The following BRI3 variants were observed in gnomAD, a reference collection of about 807,000 sequenced individuals.
BRI3 encodes the protein brain protein I3.
In BRI3, 6 loss-of-function variants were observed where a neutral mutation model predicts 12.8. The observed-to-expected ratio is 0.47, with a 90% CI of 0.26 to 0.93. BRI3 has a LOEUF of 0.93. Among genes scored for constraint, BRI3 ranks in the 40% least tolerant of loss-of-function variants. The pLI is 0.15. For synonymous variants in BRI3, 91 were observed against 76.1 expected (o/e 1.20, Z -1.02); for missense variants, 134 against 171.1 (o/e 0.78, Z 1.21).
downstream of BRI3, among the ~76,000 whole-genome samples, chr7:98,313,922 G>C (rs1027245443): frequency 6.6e-6 from 1 of 150,396 alleles, no homozygotes; most frequent in Admixed American, 6.6e-5. Flanking sequence ...GAGCCACTGT[G>C]CCTGGCCTGC....
At chr7:98,285,692 C>CTCAG (rs1224819622) in intron 2 of BRI3, among the ~76,000 whole-genome samples, 2 of 152,208 alleles carry the variant, frequency 1.3e-5, no homozygotes, top group African/African-American at 4.8e-5. Context: ...CGGGCACCTT[C>CTCAG]TCAGGCCTTT....
chr7:98,307,534 G>A, exon 2 of BRI3: 1 of 1,455,958 alleles, frequency 6.9e-7, no homozygotes, highest in Non-Finnish European at 9.0e-7. Flanking sequence ...AAATAGCCTG[G>A]GATCGAATAA....
chr7:98,299,857 A>G (rs1169529389), intron 1 of BRI3, among the ~76,000 whole-genome samples: 1 of 151,962 alleles, frequency 6.6e-6, no homozygotes, highest in Non-Finnish European at 1.5e-5. Context: ...CCTGGCCAAC[A>G]TGGTGAAACC....
chr7:98,309,024 G>A (rs1197471087), exon 2 of BRI3: 1 of 151,164 alleles, frequency 6.6e-6, no homozygotes, highest in Non-Finnish European at 1.5e-5. Context: ...AATACAACAA[G>A]CATCTTTAAT....
downstream of BRI3, chr7:98,310,704 T>TTTATTTA (rs1241140771): frequency 4.9e-5 from 24 of 489,672 alleles, no homozygotes; most frequent in Non-Finnish European, 5.4e-5. Flanking sequence ...TTATTTATTT[T>TTTATTTA]GAGACAGAGT....
At chr7:98,285,126 CAG>C (rs140694442) in intron 2 of BRI3, among the ~76,000 whole-genome samples, 2,240 of 152,254 alleles carry the variant, frequency 0.015, 30 homozygotes, top group Non-Finnish European at 0.022. Context: ...TGGGGGTGAC[CAG>C]AGAGAGAGGA....
At chr7:98,290,722 C>T (rs1488694480) in intron 2 of BRI3, among the ~76,000 whole-genome samples, 3 of 151,380 alleles carry the variant, frequency 2.0e-5, no homozygotes, top group Non-Finnish European at 2.9e-5. Flanking sequence ...TGGTCTTGAA[C>T]TCCTGAACTC....
chr7:98,319,481 GA>G, the BRI3 span, among the ~76,000 whole-genome samples: 2 of 151,902 alleles, frequency 1.3e-5, no homozygotes, highest in African/African-American at 4.8e-5. Flanking sequence ...CCTACAGCGT[GA>G]ATGTATTCTG....
At chr7:98,306,501 C>T (rs1216557793), upstream of BRI3, 56 of 1,614,002 alleles carry the variant, frequency 3.5e-5, no homozygotes, top group Middle Eastern at 1.6e-4. Context: ...TGTACGACGA[C>T]GGGAACCAAC....
chr7:98,305,853 G>A (rs148269011), upstream of BRI3, among the ~76,000 whole-genome samples: 500 of 152,318 alleles, frequency 3.3e-3, 3 homozygotes, highest in African/African-American at 0.011. Flanking sequence ...CTGGAATACG[G>A]ATTTGGGGGT....
At chr7:98,323,001 C>T in the BRI3 span, 1 of 152,188 alleles carries the variant, frequency 6.6e-6, no homozygotes, top group Non-Finnish European at 1.5e-5. Context: ...TCCTTAAGCC[C>T]TGTGGGATTT....
the BRI3 span, among the ~76,000 whole-genome samples, chr7:98,322,200 T>G: frequency 5.3e-5 from 8 of 152,146 alleles, no homozygotes; most frequent in African/African-American, 1.9e-4. Context: ...AAGCACAGAC[T>G]GGACTATGGC....
downstream of BRI3, chr7:98,293,702 C>T: frequency 9.1e-7 from 1 of 1,097,012 alleles, no homozygotes; most frequent in Non-Finnish European, 1.4e-6. Context: ...GGCGGCTGAC[C>T]ACCTCCCCAG....
chr7:98,312,080 A>C (rs1241853605), downstream of BRI3: 4 of 1,575,854 alleles, frequency 2.5e-6, no homozygotes, highest in South Asian at 4.7e-5. Context: ...AATCTGGAAG[A>C]GAAAACTGGC....
chr7:98,291,599 G>A (rs576242986), downstream of BRI3: 5 of 967,998 alleles, frequency 5.2e-6, no homozygotes, highest in African/African-American at 3.5e-5. Context: ...TCGCTCCCCC[G>A]GCCAGTCCTG....
intron 1 of BRI3, among the ~76,000 whole-genome samples, 197 bp from the exon 2 acceptor site, chr7:98,282,154 C>T (rs1473820312): frequency 6.6e-6 from 1 of 152,160 alleles, no homozygotes; most frequent in Admixed American, 6.5e-5. Flanking sequence ...GGATCCCTGC[C>T]CCAGATGAAC....
At chr7:98,319,910 G>T in the BRI3 span, 2 of 717,646 alleles carry the variant, frequency 2.8e-6, no homozygotes, top group Non-Finnish European at 4.9e-6. Flanking sequence ...AGCCCAAAGA[G>T]AGCTTGTCGG....
At chr7:98,322,899 G>C in the BRI3 span, 1 of 152,280 alleles carries the variant, frequency 6.6e-6, no homozygotes, top group Non-Finnish European at 1.5e-5. Context: ...GTACTTCAGA[G>C]CCCTCTGCAA....
chr7:98,320,181 T>TCTC, the BRI3 span: 1 of 1,591,418 alleles, frequency 6.3e-7, no homozygotes, highest in South Asian at 1.1e-5. Context: ...TTAAGCAAAA[T>TCTC]AAGTTCTAAA....
Sources: gnomAD v4.1 joint callset for allele counts (sites outside exome capture counted in the v4.1 genomes callset) on GRCh38, gnomAD v4.1.1 for gene constraint, MANE v1.5 for transcripts, NCBI Gene and HGNC (gene_info 2026-07-23, HGNC 2026-07-21) for gene names.